Variants in ATP9A observed in about 807,000 individuals in gnomAD.
ATP9A encodes probable phospholipid-transporting ATPase IIA.
A neutral mutation model predicts 144.1 loss-of-function variants in ATP9A; 52 were observed. That is an observed-to-expected ratio of 0.36 (90% confidence interval 0.29 to 0.45). ATP9A has a LOEUF of 0.45. Ranked by LOEUF, ATP9A falls within the 20% of genes least tolerant of loss-of-function variation. ATP9A has a pLI of 1.00. For synonymous variants in ATP9A, 582 were observed against 557.4 expected (o/e 1.04, Z -0.62); for missense variants, 947 against 1,392.7 (o/e 0.68, Z 5.09).
chr20:51,641,549 T>A (rs2077318990), intron 14 of ATP9A, among the ~76,000 whole-genome samples: 1 of 151,022 alleles, frequency 6.6e-6, no homozygotes. Context: ...GCGCGGTGGC[T>A]CACACCTGTA....
intron 13 of ATP9A, among the ~76,000 whole-genome samples, chr20:51,657,798 G>C (rs1216184877): frequency 6.6e-6 from 1 of 152,234 alleles, no homozygotes; most frequent in Non-Finnish European, 1.5e-5. Context: ...GGAACAGCCA[G>C]AGGAAACCTT....
chr20:51,694,652 C>T (rs1232349986), intron 6 of ATP9A, among the ~76,000 whole-genome samples: 9 of 152,136 alleles, frequency 5.9e-5, no homozygotes, highest in African/African-American at 1.9e-4. Context: ...CTGATTCGTG[C>T]GCAGAGTTCA....
chr20:51,618,194 G>A (rs539586550), intron 21 of ATP9A, among the ~76,000 whole-genome samples: 1 of 151,378 alleles, frequency 6.6e-6, no homozygotes, highest in South Asian at 2.1e-4. Flanking sequence ...CACTCCCGCT[G>A]GGCAACAGAG....
intron 2 of ATP9A, among the ~76,000 whole-genome samples, chr20:51,727,031 C>T (rs1029302153): frequency 6.6e-5 from 10 of 150,812 alleles, no homozygotes; most frequent in African/African-American, 2.4e-4. Context: ...CAGAGGCTCA[C>T]ACCTGTAATC....
Position 51,629,060 on chromosome 20 carries a change from C to G in ATP9A, c.1681G>C (p.Gly561Arg), listed in dbSNP as rs143457333. 1.9e-5 allele frequency: 31 copies of G among 1,613,466 alleles called. No homozygotes were observed. In the African/African-American group the frequency reaches 3.7e-4, roughly 19 times the overall value. The change falls in exon 16 of 28, where the codon GGA (glycine) becomes CGA (arginine). Residue 561 changes from glycine (G) to arginine (R), a missense_variant. Physicochemically the swap from Gly to Arg is moderately radical, Grantham distance 125. Coordinates refer to ENST00000338821, the MANE Select transcript of ATP9A (RefSeq NM_006045.3). ...CCCTTCATGTAAAACGTAATTTCTC[C>G]AGTTGATTCATCCTAGAGAGGGAGG... ...MGIIVRDESTGEITFYMKGAD... is the reference protein window; with the variant it reads ...MGIIVRDESTREITFYMKGAD...
intron 1 of ATP9A, among the ~76,000 whole-genome samples, chr20:51,745,879 C>G (rs1360467888): frequency 1.3e-5 from 2 of 152,134 alleles, no homozygotes; most frequent in Non-Finnish European, 2.9e-5. Context: ...CACACGCACA[C>G]AAATGTTCAC....
chr20:51,700,476 T>A (rs6067901), intron 4 of ATP9A, among the ~76,000 whole-genome samples: 36,944 of 152,026 alleles, frequency 0.24, 4,790 homozygotes, highest in Non-Finnish European at 0.27. Context: ...GAGCTGAGAT[T>A]GTGCCACTGC....
chr20:51,642,726 C>CAAAAAAAAAAAAAAAAAAAAAAAAAA (rs778440862), intron 14 of ATP9A, among the ~76,000 whole-genome samples: 4 of 31,144 alleles, frequency 1.3e-4, no homozygotes, highest in Non-Finnish European at 2.2e-4. Flanking sequence ...ACTCTGTCTC[C>CAAAAAAAAAAAAAAAAAAAAAAAAAA]AAAAAAAAAA....
In ATP9A at chr20:51,600,734, T is replaced by G. The variant is rs1003831115; in HGVS notation, c.*477A>C. On this transcript the variant is annotated 3_prime_UTR_variant, in exon 28 of 28. Coordinates refer to ENST00000338821, the MANE Select transcript of ATP9A (RefSeq NM_006045.3). ...TCCTCCCAAACCGACACCAAGAGCT[T>G]TCTATTTTTCTGACACCTCTTTGTA... 1 of 151,766 alleles carries G rather than the reference T, an allele frequency of 6.6e-6. No homozygotes were observed. Among genetic ancestry groups the G allele is most frequent in the Non-Finnish European group, 1.5e-5 (1 of 68,070 alleles). 9.4% of individuals were successfully genotyped at this position (151,766 alleles called of 1,614,324 possible). A position where few individuals can be genotyped will look rare whatever the true frequency, so the allele number is the denominator to read the frequency against.
intron 4 of ATP9A, among the ~76,000 whole-genome samples, chr20:51,699,312 G>A (rs565743921): frequency 5.1e-5 from 6 of 116,920 alleles, no homozygotes; most frequent in Admixed American, 1.2e-4. Context: ...CAGCCTGGGC[G>A]ACACAAGCAA....
chr20:51,766,260 T>G (rs1490139254), intron 1 of ATP9A, among the ~76,000 whole-genome samples: 1 of 152,178 alleles, frequency 6.6e-6, no homozygotes, highest in Non-Finnish European at 1.5e-5. Flanking sequence ...TTCAAAGGTC[T>G]AGAATGAATC....
rs1314893811 is a variant in ATP9A at position 51,597,969 on chromosome 20, G to A, written c.*3242C>T. 3 of 152,066 alleles carry A rather than the reference G, an allele frequency of 2.0e-5. No homozygotes were observed. The highest frequency in any genetic ancestry group is 4.4e-5 in the Non-Finnish European group (3 of 68,030). The allele number at this position is 152,066 out of a possible 1,614,324, so 9.4% of individuals were successfully genotyped here. ...GCTAGTTCCAGCACGTGGTCTAATG[G>A]CCCCAGGGGCTGGAAAAGGGAGGTC... On this transcript the variant is annotated 3_prime_UTR_variant, in exon 28 of 28. Transcript: ENST00000338821.
Position 51,713,033 on chromosome 20 carries a change from C to G in ATP9A, c.369G>C (p.Glu123Asp). 6.2e-7 allele frequency: 1 copy of G among 1,613,128 alleles called. No homozygotes were observed. The highest frequency in any genetic ancestry group is 8.5e-7 in the Non-Finnish European group (1 of 1,179,664). ...LAVTVIREAV[E>D]EIRCYVRDKE... ...TGTCCCGCACGTAGCATCGGATCTC[C>G]TCCACCGCCTCACGGATGACAGTGA... Residue 123 changes from glutamate (E) to aspartate (D), a missense_variant, in exon 4 of 28, where the codon GAG becomes GAC. Glu to Asp is a conservative substitution (Grantham distance 45, BLOSUM62 2). Coordinates refer to ENST00000338821, the MANE Select transcript of ATP9A (RefSeq NM_006045.3).
At chr20:51,714,994 T>C (rs2077655956) in intron 3 of ATP9A, among the ~76,000 whole-genome samples, 1 of 152,160 alleles carries the variant, frequency 6.6e-6, no homozygotes, top group African/African-American at 2.4e-5. Context: ...TTCATTTATT[T>C]TACTTACTTG....
chr20:51,622,223 C>A, intron 18 of ATP9A, 51 bp from the exon 19 acceptor site: 1 of 1,464,406 alleles, frequency 6.8e-7, no homozygotes, highest in Non-Finnish European at 9.6e-7. Flanking sequence ...TGAGGCCGGC[C>A]TGTCATCTGC....
Position 51,657,333 on chromosome 20 carries a change from C to T in ATP9A, c.1294-183G>A, listed in dbSNP as rs577001537. Among the ~76,000 whole-genome samples the T allele has an allele frequency of 1.2e-3, 177 of 149,112 alleles. 1 individual carries two copies. The highest frequency in any genetic ancestry group is 3.5e-3 in the African/African-American group (141 of 40,546). Reference sequence around the variant, plus strand: ...ATTTTCAGGGTTTGTCATTTATGCTCGGCAAAAAAAAAAGAAAAAGAGACA... The same window carrying T: ...ATTTTCAGGGTTTGTCATTTATGCTTGGCAAAAAAAAAAGAAAAAGAGACA... On this transcript the variant is annotated intron_variant, in intron 13 of 27. Transcript: ENST00000338821.
At chr20:51,618,900 C>T (rs2077214621) in intron 20 of ATP9A, 54 bp downstream of exon 20, 16 of 1,601,492 alleles carry the variant, frequency 1.0e-5, no homozygotes, top group East Asian at 6.7e-5. Flanking sequence ...CTGCCGAAGC[C>T]GGGTAAGACC....
chr20:51,682,109 G>T (rs1601101185), intron 9 of ATP9A, among the ~76,000 whole-genome samples: 1 of 151,904 alleles, frequency 6.6e-6, no homozygotes, highest in Admixed American at 6.6e-5. Flanking sequence ...GTGGAAGGAG[G>T]GTGAGGATCA....
intron 14 of ATP9A, among the ~76,000 whole-genome samples, chr20:51,648,326 C>T (rs1465448536): frequency 7.9e-5 from 12 of 152,190 alleles, no homozygotes; most frequent in Admixed American, 7.9e-4. Flanking sequence ...TTTACACTCA[C>T]GTTCAGCAAC....
Sources: allele counts gnomAD v4.1 joint callset (sites outside exome capture counted in the v4.1 genomes callset), GRCh38; gene constraint gnomAD v4.1.1; transcripts MANE v1.5; gene names NCBI Gene and HGNC (gene_info 2026-07-23, HGNC 2026-07-21).